The following ZNRF1 variants were observed in gnomAD, a reference collection of about 807,000 sequenced individuals.
The protein encoded by ZNRF1 is E3 ubiquitin-protein ligase ZNRF1.
In ZNRF1, 3 loss-of-function variants were observed where a neutral mutation model predicts 18.4. That is an observed-to-expected ratio of 0.16 (90% CI 0.07 to 0.42). The LOEUF is 0.42. Ranked by LOEUF, ZNRF1 falls within the 10% of genes least tolerant of loss-of-function variation. The probability of loss-of-function intolerance (pLI) is 0.99; values close to 1 mark genes in which losing one functional copy is unlikely to be tolerated. For synonymous variants in ZNRF1, 157 were observed against 144.2 expected (o/e 1.09, Z -0.64); for missense variants, 310 against 329.8 (o/e 0.94, Z 0.47).
chr16:75,095,293 G>A (rs952515391), intron 2 of ZNRF1: 12 of 198,278 alleles, frequency 6.1e-5, no homozygotes, highest in Admixed American at 2.2e-4. Flanking sequence ...AGGGGACAAC[G>A]CCTCCTTTCT....
intron 1 of ZNRF1, among the ~76,000 whole-genome samples, chr16:75,077,174 C>T (rs551633598): frequency 2.6e-5 from 4 of 152,264 alleles, no homozygotes; most frequent in Non-Finnish European, 5.9e-5. Context: ...GGGCGGACCA[C>T]GAGGTCAGGA....
chr16:75,046,123 C>T (rs770770969), intron 1 of ZNRF1, among the ~76,000 whole-genome samples: 2 of 151,844 alleles, frequency 1.3e-5, no homozygotes, highest in Non-Finnish European at 2.9e-5. Flanking sequence ...AGGCTGGTCT[C>T]GAACTCCTGA....
intron 1 of ZNRF1, among the ~76,000 whole-genome samples, chr16:75,091,216 A>G (rs1446425740): frequency 2.6e-5 from 4 of 152,026 alleles, no homozygotes; most frequent in South Asian, 2.1e-4. Context: ...AAAATTAGCC[A>G]GGCATGGTGG....
rs1386605235 is a variant in ZNRF1 at position 75,052,594 on chromosome 16, G to T, written c.425-40978G>T. Among the ~76,000 whole-genome samples the T allele has an allele frequency of 2.0e-5, 3 of 152,070 alleles. No homozygotes were observed. The East Asian group carries it at 5.8e-4, about 29-fold the overall frequency. On this transcript the variant is annotated intron_variant, in intron 1 of 4. Transcript: ENST00000335325. ...CTCCAGGTCAGCAGGCTTGTTTAAGGTGAGACCATGTCCTCTGACCTCAGG... is the reference window on the plus strand; with the variant it reads ...CTCCAGGTCAGCAGGCTTGTTTAAGTTGAGACCATGTCCTCTGACCTCAGG...
intron 1 of ZNRF1, among the ~76,000 whole-genome samples, chr16:75,080,061 AC>A (rs1451851984): frequency 6.6e-6 from 1 of 152,090 alleles, no homozygotes; most frequent in African/African-American, 2.4e-5. Context: ...GATTATAGGC[AC>A]CCGCCACCAT....
At position 75,075,969 on chromosome 16, in the gene ZNRF1, T is replaced by C. The variant is rs111335789; in HGVS notation, c.425-17603T>C. ...GGGATTGAGAGAGCGTTGTGTGAGGTAGAGAATAGCTTACATATGTGGACT... is the reference window on the plus strand; with the variant it reads ...GGGATTGAGAGAGCGTTGTGTGAGGCAGAGAATAGCTTACATATGTGGACT... On this transcript the variant is annotated intron_variant, in intron 1 of 4. Transcript: ENST00000335325. Among the ~76,000 whole-genome samples, 521 of 152,264 alleles carry C rather than the reference T, an allele frequency of 3.4e-3. 3 individuals carry two copies. Among genetic ancestry groups the C allele is most frequent in the South Asian group, 7.3e-3 (35 of 4,810 alleles).
intron 1 of ZNRF1, among the ~76,000 whole-genome samples, chr16:75,084,058 G>A (rs1021989458): frequency 6.6e-6 from 1 of 152,226 alleles, no homozygotes; most frequent in Non-Finnish European, 1.5e-5. Flanking sequence ...ACCTAAGCCA[G>A]CAGAGGCTTT....
At chr16:75,004,436 T>C (rs1375885988) in intron 1 of ZNRF1, among the ~76,000 whole-genome samples, 1 of 152,154 alleles carries the variant, frequency 6.6e-6, no homozygotes, top group African/African-American at 2.4e-5. Context: ...ATCCACCATG[T>C]TGAAAGAAGT....
rs368905834 is a variant in ZNRF1 at position 75,011,664 on chromosome 16, C to T, written c.424+11569C>T. On this transcript the variant is annotated intron_variant, in intron 1 of 4. Transcript: ENST00000335325. ...AACATTCATGCCATTGCAGCCAGTG[C>T]CCTGGAAAGCTATAAGCAAGTCTTA... 1.2e-4 allele frequency among the ~76,000 whole-genome samples: 19 copies of T among 152,358 alleles called. 2 individuals are homozygous for T. Among genetic ancestry groups the T allele is most frequent in the South Asian group, 1.0e-3 (5 of 4,830 alleles).
intron 1 of ZNRF1, among the ~76,000 whole-genome samples, chr16:75,029,187 C>T (rs1015881627): frequency 2.0e-5 from 3 of 151,738 alleles, no homozygotes; most frequent in African/African-American, 7.3e-5. Flanking sequence ...CGTGCTGTCG[C>T]CCAGGCTGGA....
intron 1 of ZNRF1, among the ~76,000 whole-genome samples, chr16:75,013,537 G>C (rs2035027310): frequency 6.6e-6 from 1 of 152,108 alleles, no homozygotes; most frequent in Admixed American, 6.5e-5. Context: ...AGGAGAGATG[G>C]GGTTTTACCA....
At chr16:75,051,035 G>GA (rs746889171) in intron 1 of ZNRF1, among the ~76,000 whole-genome samples, 102 of 50,138 alleles carry the variant, frequency 2.0e-3, no homozygotes, top group Middle Eastern at 0.014. Flanking sequence ...GCTACAAAAA[G>GA]AAAAAAAAAA....
At chr16:75,028,113 G>C (rs961367170) in intron 1 of ZNRF1, among the ~76,000 whole-genome samples, 13 of 152,084 alleles carry the variant, frequency 8.5e-5, no homozygotes, top group African/African-American at 3.1e-4. Context: ...CACTTCCTGA[G>C]TCCATCCAGA....
chr16:75,105,073 C>T (rs952186712), intron 3 of ZNRF1, 184 bp downstream of exon 3: 6 of 554,816 alleles, frequency 1.1e-5, no homozygotes, highest in African/African-American at 1.9e-5. Flanking sequence ...GCGAGCATCC[C>T]AAGTGCAGAG....
At chr16:75,013,504 GC>G (rs2035026968) in intron 1 of ZNRF1, among the ~76,000 whole-genome samples, 1 of 151,828 alleles carries the variant, frequency 6.6e-6, no homozygotes, top group South Asian at 2.1e-4. Flanking sequence ...ATGCCACCAT[GC>G]CTAGCTAATT....
chr16:75,048,044 C>T (rs2035538988), intron 1 of ZNRF1, among the ~76,000 whole-genome samples: 1 of 152,026 alleles, frequency 6.6e-6, no homozygotes, highest in Non-Finnish European at 1.5e-5. Flanking sequence ...CTCAACCTCC[C>T]CAGGCTCAGG....
At chr16:75,022,703 G>C (rs1388408037) in intron 1 of ZNRF1, among the ~76,000 whole-genome samples, 1 of 152,230 alleles carries the variant, frequency 6.6e-6, no homozygotes, top group African/African-American at 2.4e-5. Context: ...AACCACAAAT[G>C]GTTAGTGACT....
intron 1 of ZNRF1, among the ~76,000 whole-genome samples, chr16:75,038,375 C>A (rs941557966): frequency 6.6e-6 from 1 of 152,132 alleles, no homozygotes; most frequent in African/African-American, 2.4e-5. Context: ...TTGTGACTAG[C>A]TTGGCTTTTG....
At chr16:75,047,761 C>T (rs1420291116) in intron 1 of ZNRF1, among the ~76,000 whole-genome samples, 1 of 152,154 alleles carries the variant, frequency 6.6e-6, no homozygotes, top group Non-Finnish European at 1.5e-5. Flanking sequence ...GCTAGGGCTG[C>T]TGTACTACCA....
Sources: allele counts gnomAD v4.1 joint callset (sites outside exome capture counted in the v4.1 genomes callset), GRCh38; gene constraint gnomAD v4.1.1; transcripts MANE v1.5; gene names NCBI Gene and HGNC (gene_info 2026-07-23, HGNC 2026-07-21).